Variants in NPAS3 observed in about 807,000 individuals in gnomAD.
The protein encoded by NPAS3 is neuronal PAS domain protein 3.
In NPAS3, 14 loss-of-function variants were observed where a neutral mutation model predicts 73.1. The ratio of observed to expected loss-of-function variants is 0.19; its 90% confidence interval spans 0.13 to 0.30. NPAS3 has a LOEUF of 0.30. Ranked by LOEUF, NPAS3 falls within the 10% of genes least tolerant of loss-of-function variation. The probability of loss-of-function intolerance (pLI) is 1.00; values close to 1 mark genes in which losing one functional copy is unlikely to be tolerated. For missense variants in NPAS3, 1,096 were observed against 1,250.0 expected, an observed-to-expected ratio of 0.88 and a Z score of 1.86; for synonymous variants, 620 against 541.5, an observed-to-expected ratio of 1.14 and a Z score of -2.01.
At chr14:33,579,960 G>A (rs1297685675) in intron 5 of NPAS3, among the ~76,000 whole-genome samples, 2 of 152,072 alleles carry the variant, frequency 1.3e-5, no homozygotes, top group African/African-American at 4.8e-5. Context: ...TTTTATTTCA[G>A]ACTTTCAAAA....
intron 1 of NPAS3, among the ~76,000 whole-genome samples, chr14:32,993,915 C>T (rs1320371364): frequency 6.6e-6 from 1 of 152,226 alleles, no homozygotes; most frequent in African/African-American, 2.4e-5. Context: ...GGCACTCTCA[C>T]ATGCTCAGTT....
chr14:33,268,215 CT>C (rs1408863243), intron 3 of NPAS3, among the ~76,000 whole-genome samples: 2 of 152,016 alleles, frequency 1.3e-5, no homozygotes, highest in Admixed American at 6.6e-5. Flanking sequence ...TTTCTGCTGC[CT>C]TTTTGATCTG....
chr14:33,513,861 T>A (rs953750686), intron 4 of NPAS3, among the ~76,000 whole-genome samples: 1 of 152,052 alleles, frequency 6.6e-6, no homozygotes, highest in Non-Finnish European at 1.5e-5. Flanking sequence ...GCGATGAATG[T>A]ATTTTTTCCC....
intron 4 of NPAS3, among the ~76,000 whole-genome samples, chr14:33,475,549 T>TGA (rs916623051): frequency 8.9e-6 from 1 of 112,714 alleles, no homozygotes; most frequent in African/African-American, 3.0e-5. Context: ...AACTAAGATC[T>TGA]AAAAAAAAAA....
At position 33,800,323 on chromosome 14, in the gene NPAS3, G is replaced by A; in HGVS notation, c.2016G>A (p.Glu672=). The A allele has an allele frequency of 6.2e-7, 1 of 1,613,362 alleles. No individual in the cohort carries two copies. Among genetic ancestry groups the A allele is most frequent in the South Asian group, 1.1e-5 (1 of 91,062 alleles). ...TCTGGAACTACCCGCCCAACCGGGAGATCTCCAGGAACGAGTCCCCCTACA... is the reference window on the plus strand; with the variant it reads ...TCTGGAACTACCCGCCCAACCGGGAAATCTCCAGGAACGAGTCCCCCTACA... The change falls in exon 12 of 12, where the codon GAG becomes GAA. Residue 672 remains glutamate, a synonymous_variant. Transcript: ENST00000356141. This position sits in a 1 kb window ranked among gnomAD's most constrained non-coding sequence, Gnocchi z 6.5.
intron 2 of NPAS3, among the ~76,000 whole-genome samples, chr14:33,183,421 GTTTTTTTTTTTTTTTTTTTTTT>G (rs55643715): frequency 1.5e-4 from 9 of 60,794 alleles, no homozygotes; most frequent in South Asian, 5.6e-4. Flanking sequence ...GTGAGACTCT[GTTTTTTTTTTTTTTTTTTTTTT>G]TTTTTTTTTT....
chr14:33,260,448 A>G (rs1382309338), intron 3 of NPAS3, among the ~76,000 whole-genome samples: 2 of 152,088 alleles, frequency 1.3e-5, no homozygotes, highest in Non-Finnish European at 2.9e-5. Flanking sequence ...AGTTATGCTA[A>G]AGCTCATCAT....
At chr14:33,600,004 C>T (rs909958206) in intron 5 of NPAS3, among the ~76,000 whole-genome samples, 1 of 152,170 alleles carries the variant, frequency 6.6e-6, no homozygotes, top group African/African-American at 2.4e-5. Flanking sequence ...AGATCCGTTA[C>T]TTTGTAAGGT....
chr14:33,307,995 G>A (rs1021919268), intron 3 of NPAS3, among the ~76,000 whole-genome samples: 2 of 151,988 alleles, frequency 1.3e-5, no homozygotes, highest in Admixed American at 6.6e-5. Flanking sequence ...CTTGGGTCCC[G>A]CTGCAACATT....
At chr14:33,198,269 C>T (rs1016766706) in intron 2 of NPAS3, among the ~76,000 whole-genome samples, 14 of 149,790 alleles carry the variant, frequency 9.3e-5, no homozygotes, top group African/African-American at 1.9e-4. Context: ...TTTGCCCCTG[C>T]TGGCTCAGGC....
At position 33,379,456 on chromosome 14, in the gene NPAS3, C is replaced by CAA. The variant is rs2046446627; in HGVS notation, c.468+12190_468+12191dup. On this transcript the variant is annotated intron_variant, in intron 4 of 11. Coordinates refer to ENST00000356141, the Ensembl canonical transcript of NPAS3. Reference sequence around the variant, plus strand: ...CTCTGGTAATGTGTGTAAATATCTGCAAATCTTTGCCAGATTACTGTGTTC... The same window carrying CAA: ...CTCTGGTAATGTGTGTAAATATCTGCAAAAATCTTTGCCAGATTACTGTGTTC... 2.0e-5 allele frequency among the ~76,000 whole-genome samples: 3 copies of CAA among 152,132 alleles called. No homozygotes were observed. The South Asian group carries it at 6.2e-4, about 32-fold the overall frequency.
chr14:33,283,528 C>G (rs1033633015), intron 3 of NPAS3, among the ~76,000 whole-genome samples: 6 of 152,164 alleles, frequency 3.9e-5, no homozygotes, highest in South Asian at 2.1e-4. Flanking sequence ...TTCAACAAGT[C>G]TCACGGAGGC....
At chr14:33,701,924 G>T (rs2060533811) in intron 6 of NPAS3, among the ~76,000 whole-genome samples, 1 of 152,180 alleles carries the variant, frequency 6.6e-6, no homozygotes, top group South Asian at 2.1e-4. Context: ...TGCCCTCAGG[G>T]ATCTTACAAT....
chr14:33,325,511 T>A (rs1015471345), intron 3 of NPAS3, among the ~76,000 whole-genome samples: 1 of 151,928 alleles, frequency 6.6e-6, no homozygotes, highest in African/African-American at 2.4e-5. Flanking sequence ...CTGGTTGTGG[T>A]GGTGGGTGCT....
At chr14:33,775,289 T>A (rs1168088743) in intron 8 of NPAS3, among the ~76,000 whole-genome samples, 1 of 152,226 alleles carries the variant, frequency 6.6e-6, no homozygotes, top group South Asian at 2.1e-4. Flanking sequence ...GCCGCCCACA[T>A]ACCAGGTGTG....
intron 7 of NPAS3, among the ~76,000 whole-genome samples, chr14:33,760,433 C>A (rs186845451): frequency 6.6e-6 from 1 of 152,078 alleles, no homozygotes; most frequent in African/African-American, 2.4e-5. Context: ...TACTTTGGAA[C>A]GAATGAAATT....
At chr14:33,586,616 T>C (rs980389570) in intron 5 of NPAS3, among the ~76,000 whole-genome samples, 17 of 152,332 alleles carry the variant, frequency 1.1e-4, no homozygotes, top group African/African-American at 4.1e-4. Context: ...AGAATCCTTT[T>C]AGAAAACTAA....
intron 4 of NPAS3, among the ~76,000 whole-genome samples, chr14:33,526,652 A>T (rs1433987222): frequency 2.0e-5 from 3 of 151,688 alleles, no homozygotes; most frequent in Non-Finnish European, 4.4e-5. Flanking sequence ...GTAGTTACTG[A>T]ATATATATTA....
rs367658242 is a variant in NPAS3 at position 33,637,643 on chromosome 14, T to TTTAA, written c.559-38565_559-38562dup. On this transcript the variant is annotated intron_variant, in intron 5 of 11. Transcript: ENST00000356141. The stretch of plus-strand genomic sequence containing the variant: ...TAAAATCAATACATCTTAGGCAAGG[T>TTTAA]TTAATTTATTTGTAGGTTCTTACAA... 1.1e-3 allele frequency among the ~76,000 whole-genome samples: 166 copies of TTTAA among 152,332 alleles called. 1 individual carries two copies. The highest frequency in any genetic ancestry group is 3.9e-3 in the African/African-American group (162 of 41,576).
Sources: gnomAD v4.1 joint callset for allele counts (sites outside exome capture counted in the v4.1 genomes callset) on GRCh38, gnomAD v4.1.1 for gene constraint, Gnocchi (gnomAD v3.1) non-coding constraint, MANE v1.5 for transcripts, NCBI Gene and HGNC (gene_info 2026-07-23, HGNC 2026-07-21) for gene names.